The following TLE2 variants were observed in gnomAD, a reference collection of about 807,000 sequenced individuals.
TLE2 encodes the protein TLE family member 2, transcriptional corepressor.
TLE2 carries 74 observed loss-of-function variants against 97.2 expected under a neutral mutation model. The observed-to-expected ratio is 0.76, with a 90% CI of 0.63 to 0.92. The LOEUF is 0.92. Among genes scored for constraint, TLE2 ranks in the 40% least tolerant of loss-of-function variants. TLE2 has a pLI of 0.00. For missense variants in TLE2, 1,038 were observed against 1,008.7 expected (o/e 1.03, Z -0.39); for synonymous variants, 499 against 432.1 (o/e 1.15, Z -1.92).
upstream of TLE2, among the ~76,000 whole-genome samples, chr19:3,031,113 G>C (rs1355301903): frequency 6.6e-6 from 1 of 152,158 alleles, no homozygotes; most frequent in Non-Finnish European, 1.5e-5. Flanking sequence ...TGTGGGATGT[G>C]AGTGACAGGC....
At chr19:3,028,223 G>A in intron 3 of TLE2, 96 bp downstream of exon 3, 4 of 1,268,182 alleles carry the variant, frequency 3.2e-6, no homozygotes, top group South Asian at 2.6e-5. Context: ...CGGGGAAGAC[G>A]AGGTTCGGAG....
intron 5 of TLE2, among the ~76,000 whole-genome samples, chr19:3,020,774 G>A (rs2089821265): frequency 6.6e-6 from 1 of 151,984 alleles, no homozygotes; most frequent in Non-Finnish European, 1.5e-5. Flanking sequence ...CAGAGCTGTG[G>A]GACTCTGCTG....
intron 11 of TLE2, among the ~76,000 whole-genome samples, chr19:3,011,982 C>T (rs1401543754): frequency 1.3e-5 from 2 of 152,014 alleles, no homozygotes; most frequent in East Asian, 1.9e-4. Flanking sequence ...CTGTGGCTCA[C>T]GCCTGTAATC....
chr19:3,001,788 TTTC>T (rs897580494), intron 18 of TLE2, among the ~76,000 whole-genome samples: 2 of 129,058 alleles, frequency 1.5e-5, no homozygotes, highest in African/African-American at 6.2e-5. Context: ...ATTTCTTTTC[TTTC>T]TTTTTTTTTT....
chr19:3,016,419 C>CAAAAAAAAAAAAAA (rs34669546), intron 8 of TLE2, among the ~76,000 whole-genome samples: 2 of 91,528 alleles, frequency 2.2e-5, no homozygotes, highest in Non-Finnish European at 2.1e-5. Flanking sequence ...ACTAAAAATA[C>CAAAAAAAAAAAAAA]AAAAAAAAAA....
intron 8 of TLE2, among the ~76,000 whole-genome samples, chr19:3,017,286 C>T (rs932551857): frequency 2.0e-5 from 3 of 151,610 alleles, no homozygotes; most frequent in East Asian, 3.9e-4. Flanking sequence ...TACAGGCACC[C>T]GCCGCCACGT....
In TLE2 at chr19:3,019,381, G is replaced by C. The variant is rs201638587; in HGVS notation, c.452C>G (p.Thr151Arg). 4.5e-6 allele frequency: 7 copies of C among 1,549,160 alleles called. No homozygotes were observed. Among genetic ancestry groups the C allele is most frequent in the Non-Finnish European group, 6.1e-6 (7 of 1,153,992 alleles). The change falls in exon 7 of 20, where the codon ACG becomes AGG. Residue 151 changes from threonine to arginine, a missense_variant. By Grantham distance (71) the Thr-to-Arg change is moderately conservative. Transcript: ENST00000262953. The surrounding 1 kb of genome is among the most constrained non-coding windows in gnomAD (Gnocchi z 5.1). The part of the protein sequence containing the change: ...RPAGLVGGSA[T>R]GLLALSGALA... ...GGCTCCAGACAGAGCAAGCAGCCCC[G>C]TAGCACTGCCGCCCACCAGCCCGGC...
In TLE2 at chr19:2,998,243, GTGTGT is replaced by G. The variant is rs1287315691; in HGVS notation, c.2125-293_2125-289del. 5.9e-3 allele frequency among the ~76,000 whole-genome samples: 459 copies of G among 77,610 alleles called. 5 individuals carry two copies. Among genetic ancestry groups the G allele is most frequent in the African/African-American group, 0.021 (451 of 21,012 alleles). The allele number at this position is 77,610 out of a possible 152,430, so 50.9% of individuals were successfully genotyped here. A position where few individuals can be genotyped will look rare whatever the true frequency, so the allele number is the denominator to read the frequency against. On this transcript the variant is annotated intron_variant, in intron 19 of 19. Coordinates refer to ENST00000262953, the MANE Select transcript of TLE2 (RefSeq NM_003260.5). ...CCGCAACCACGCCCGGCCAATGTGT[GTGTGT>G]GTGTGTGTGTGTGTGTGTGTGTGTG...
At position 3,015,744 on chromosome 19, in the gene TLE2, G is replaced by A. The variant is rs767828577; in HGVS notation, c.587C>T (p.Pro196Leu). Residue 196 changes from proline (P) to leucine (L), a missense_variant, in exon 9 of 20, where the codon CCC (proline) becomes CTC (leucine). By Grantham distance (98) the Pro-to-Leu change is moderately conservative. Transcript: ENST00000262953. The part of the protein sequence containing the change: ...RAPSRSASPS[P>L]PESLVEEERP... ...CTCCTCCTCCACGAGACTCTCAGGG[G>A]GCGAGGGAGATGCACTCTGCGGAGA... 5.6e-6 allele frequency: 9 copies of A among 1,609,486 alleles called. No individual in the cohort carries two copies. The Admixed American group carries it at 8.4e-5, about 15-fold the overall frequency.
chr19:3,039,055 A>T (rs1483086906), intron 1 of TLE2, among the ~76,000 whole-genome samples: 3 of 131,846 alleles, frequency 2.3e-5, no homozygotes, highest in South Asian at 2.3e-4. Context: ...AAAAAAAAAT[A>T]AAAATTAAAA....
chr19:3,019,444 G>C lies in TLE2; in HGVS notation c.389C>G (p.Ser130Cys), dbSNP rs940048015. ...GAGGGGCACAGGGGGTGCGTGGTGG[G>C]ACAGCGGCTGGAGCTGCTGCTGCTA... The part of the protein sequence containing the change: ...SLIGQQLQPL[S>C]HHAPPVPLTP... The change falls in exon 7 of 20, where the codon TCC becomes TGC. Residue 130 changes from serine to cysteine, a missense_variant. Physicochemically the swap from Ser to Cys is moderately radical, Grantham distance 112. Coordinates refer to ENST00000262953, the MANE Select transcript of TLE2 (RefSeq NM_003260.5). The surrounding 1 kb of genome is among the most constrained non-coding windows in gnomAD (Gnocchi z 5.1). The C allele has an allele frequency of 6.5e-7, 1 of 1,527,396 alleles. No homozygotes were observed. Among genetic ancestry groups the C allele is most frequent in the Non-Finnish European group, 8.8e-7 (1 of 1,142,210 alleles). 94.6% of individuals were successfully genotyped at this position (1,527,396 alleles called of 1,614,324 possible).
At chr19:3,032,024 G>A (rs1172059983), upstream of TLE2, among the ~76,000 whole-genome samples, 5 of 151,838 alleles carry the variant, frequency 3.3e-5, no homozygotes, top group Admixed American at 6.6e-5. The surrounding 1 kb of genome is among the most constrained non-coding windows in gnomAD (Gnocchi z 4.1). Flanking sequence ...TATGCCTCCC[G>A]GGTTCAAGCG....
At chr19:3,031,069 G>A (rs1480181800), upstream of TLE2, among the ~76,000 whole-genome samples, 1 of 152,118 alleles carries the variant, frequency 6.6e-6, no homozygotes, top group Non-Finnish European at 1.5e-5. Flanking sequence ...TGTAAGGGTG[G>A]ATAAGGGAGA....
chr19:3,009,896 T>A (rs2089557824), intron 12 of TLE2, among the ~76,000 whole-genome samples, 194 bp from the exon 13 acceptor site: 1 of 146,672 alleles, frequency 6.8e-6, no homozygotes, highest in Non-Finnish European at 1.5e-5. Context: ...TCTTTTTTTC[T>A]TTTGTTTGAG....
chr19:3,025,160 G>A (rs2089920426), intron 4 of TLE2, 78 bp from the exon 5 acceptor site: 5 of 1,416,824 alleles, frequency 3.5e-6, no homozygotes, highest in South Asian at 2.7e-5. Flanking sequence ...GGCGGACCAG[G>A]TGTTGGCAAA....
upstream of TLE2, chr19:3,029,558 CGGGGG>C (rs756651385): frequency 1.8e-5 from 4 of 227,068 alleles, no homozygotes; most frequent in African/African-American, 3.7e-5. Flanking sequence ...ACCGTGGGAG[CGGGGG>C]GGGGGGCTTG....
intron 17 of TLE2, among the ~76,000 whole-genome samples, chr19:3,002,799 A>G (rs1228284237): frequency 6.6e-6 from 1 of 152,028 alleles, no homozygotes; most frequent in Non-Finnish European, 1.5e-5. Context: ...CCCAGGTTCA[A>G]GGGATTCTCC....
At chr19:2,998,027 TG>T (rs2089255000) in intron 19 of TLE2, 72 bp from the exon 20 acceptor site, 2 of 1,117,282 alleles carry the variant, frequency 1.8e-6, no homozygotes, top group East Asian at 2.5e-5. Context: ...TGGGCAAGGC[TG>T]GGGCGGAGTC....
At chr19:3,046,939 C>CCTT (rs2090146693), upstream of TLE2, among the ~76,000 whole-genome samples, 2 of 126,902 alleles carry the variant, frequency 1.6e-5, no homozygotes, top group Non-Finnish European at 3.4e-5. Flanking sequence ...TCTGCCTCCC[C>CCTT]CTCCTCCTCC....
Sources: gnomAD v4.1 joint callset for allele counts (sites outside exome capture counted in the v4.1 genomes callset) on GRCh38, gnomAD v4.1.1 for gene constraint, Gnocchi (gnomAD v3.1) non-coding constraint, MANE v1.5 for transcripts, NCBI Gene and HGNC (gene_info 2026-07-23, HGNC 2026-07-21) for gene names.